Variants in ETV6 observed in about 807,000 individuals in gnomAD.
ETV6 encodes the protein ETS variant transcription factor 6.
ETV6 carries 16 observed loss-of-function variants against 51.1 expected under a neutral mutation model. The ratio of observed to expected loss-of-function variants is 0.31; its 90% CI spans 0.21 to 0.48. The LOEUF is 0.48. Among genes scored for constraint, ETV6 ranks in the 20% least tolerant of loss-of-function variants. The pLI is 0.99. For missense variants in ETV6, 458 were observed against 594.8 expected (o/e 0.77, Z 2.39); for synonymous variants, 240 against 224.1 (o/e 1.07, Z -0.64).
At chr12:11,850,401 CCTT>C (rs1946533806) in intron 3 of ETV6, among the ~76,000 whole-genome samples, 1 of 152,198 alleles carries the variant, frequency 6.6e-6, no homozygotes, top group South Asian at 2.1e-4. Flanking sequence ...CCTCAGTTAA[CCTT>C]CTTTACCCTT....
In ETV6 at chr12:11,872,251, G is replaced by C. The variant is rs145071760; in HGVS notation, c.1009+2282G>C. The stretch of plus-strand genomic sequence containing the variant: ...AAGGTCAGATAGGGGCCCCATGACC[G>C]AGGTGTGCAGGACAACCCTTGCTGC... On this transcript the variant is annotated intron_variant, in intron 5 of 7. Coordinates refer to ENST00000396373, the MANE Select transcript of ETV6 (RefSeq NM_001987.5). Among the ~76,000 whole-genome samples the C allele has an allele frequency of 2.2e-4, 33 of 152,272 alleles. No individual in the cohort carries two copies. In the East Asian group the frequency reaches 6.0e-3, roughly 28 times the overall value.
chr12:11,742,805 C>CTTTTTTTTT (rs751007395), intron 1 of ETV6, among the ~76,000 whole-genome samples: 3 of 78,682 alleles, frequency 3.8e-5, no homozygotes, highest in Non-Finnish European at 7.4e-5. Flanking sequence ...TTCTTTCTTT[C>CTTTTTTTTT]TTTTTTTTTT....
intron 3 of ETV6, among the ~76,000 whole-genome samples, chr12:11,842,173 C>G (rs1591712832): frequency 6.6e-6 from 1 of 152,266 alleles, no homozygotes; most frequent in African/African-American, 2.4e-5. Flanking sequence ...TAGACACTCC[C>G]TTTGAAACAT....
chr12:11,879,318 A>ACAAT (rs1211576010), intron 5 of ETV6, among the ~76,000 whole-genome samples: 1 of 152,230 alleles, frequency 6.6e-6, no homozygotes, highest in Non-Finnish European at 1.5e-5. Context: ...TAAATTAACC[A>ACAAT]CAATCATTAA....
At position 11,678,469 on chromosome 12, in the gene ETV6, TTTTTTCC is replaced by T. The variant is rs1864462951; in HGVS notation, c.33+28311_33+28317del. Reference sequence around the variant, plus strand: ...TACTCTACAACTCACATGGCAGCACTTTTTTCCTCCTGATTTCCTTTCCCTTTGCAGG... The same window carrying T: ...TACTCTACAACTCACATGGCAGCACTTCCTGATTTCCTTTCCCTTTGCAGG... On this transcript the variant is annotated intron_variant, in intron 1 of 7. Coordinates refer to ENST00000396373, the MANE Select transcript of ETV6 (RefSeq NM_001987.5). Among the ~76,000 whole-genome samples the T allele has an allele frequency of 3.3e-5, 5 of 152,212 alleles. No homozygotes were observed. In the South Asian group the frequency reaches 1.0e-3, roughly 32 times the overall value.
intron 2 of ETV6, among the ~76,000 whole-genome samples, chr12:11,780,319 T>C (rs148062809): frequency 2.6e-5 from 4 of 152,218 alleles, no homozygotes; most frequent in Non-Finnish European, 5.9e-5. Flanking sequence ...GGTTTTAGGT[T>C]CAGTAGCCTG....
intron 5 of ETV6, among the ~76,000 whole-genome samples, chr12:11,874,920 T>A (rs1413525150): frequency 7.2e-6 from 1 of 138,010 alleles, no homozygotes; most frequent in Non-Finnish European, 1.6e-5. Context: ...GGGGGAGGGA[T>A]AGCATTAGGA....
At chr12:11,761,474 C>T (rs1314573657) in intron 2 of ETV6, among the ~76,000 whole-genome samples, 2 of 152,196 alleles carry the variant, frequency 1.3e-5, no homozygotes, top group African/African-American at 4.8e-5. Context: ...AGATGATCTA[C>T]CTCACAGATG....
In ETV6 at chr12:11,744,270, T is replaced by C. The variant is rs142501478; in HGVS notation, c.34-8180T>C. 9.3e-4 allele frequency among the ~76,000 whole-genome samples: 141 copies of C among 152,340 alleles called. 4 individuals are homozygous for C. The East Asian group carries it at 0.019, about 21-fold the overall frequency. ...AGGGACAACGCAGATTGGCTAATTA[T>C]AATAGCCAGACCATTAAAGGGAATA... On this transcript the variant is annotated intron_variant, in intron 1 of 7. Transcript: ENST00000396373.
chr12:11,696,389 C>T (rs1307744471), intron 1 of ETV6, among the ~76,000 whole-genome samples: 1 of 152,178 alleles, frequency 6.6e-6, no homozygotes, highest in Admixed American at 6.5e-5. Context: ...GTTACTTAAC[C>T]ATTCTGTACT....
intron 1 of ETV6, among the ~76,000 whole-genome samples, chr12:11,689,188 T>C (rs1864697154): frequency 6.6e-6 from 1 of 152,010 alleles, no homozygotes; most frequent in African/African-American, 2.4e-5. Context: ...TTTTAAAGTA[T>C]GGAAGTAGAT....
At chr12:11,811,464 T>C (rs555983224) in intron 2 of ETV6, among the ~76,000 whole-genome samples, 1 of 152,272 alleles carries the variant, frequency 6.6e-6, no homozygotes, top group African/African-American at 2.4e-5. Flanking sequence ...CCTGGATTTC[T>C]ACCATTAGCA....
intron 1 of ETV6, among the ~76,000 whole-genome samples, chr12:11,679,025 T>G (rs985736975): frequency 3.3e-5 from 5 of 152,156 alleles, no homozygotes; most frequent in African/African-American, 1.2e-4. Flanking sequence ...CACCCAGAAA[T>G]AATGTGTAAT....
chr12:11,893,912 A>T lies in ETV6; in HGVS notation c.*2866A>T. The T allele has an allele frequency of 5.0e-6, 1 of 201,598 alleles. No individual in the cohort carries two copies. The highest frequency in any genetic ancestry group is 7.6e-5 in the East Asian group (1 of 13,104). 12.5% of individuals were successfully genotyped at this position (201,598 alleles called of 1,614,324 possible). A position where few individuals can be genotyped will look rare whatever the true frequency, so the allele number is the denominator to read the frequency against. ...CATTTAAAAATCCGAGACCCAGAAC[A>T]CTTCTGGTCCCAAGCATTTCAGATA... On this transcript the variant is annotated 3_prime_UTR_variant, in exon 8 of 8. Coordinates refer to ENST00000396373, the MANE Select transcript of ETV6 (RefSeq NM_001987.5).
At chr12:11,801,575 T>A (rs1457298599) in intron 2 of ETV6, among the ~76,000 whole-genome samples, 1 of 152,234 alleles carries the variant, frequency 6.6e-6, no homozygotes. Context: ...TTTGCTATAG[T>A]GAAAATACTG....
intron 1 of ETV6, among the ~76,000 whole-genome samples, chr12:11,735,748 G>A (rs976309829): frequency 8.5e-5 from 13 of 152,242 alleles, no homozygotes; most frequent in Middle Eastern, 6.8e-3. Context: ...ACAGGCGCCC[G>A]CCAGTACGCC....
intron 1 of ETV6, among the ~76,000 whole-genome samples, chr12:11,669,355 T>TATCCTCCC: frequency 2.1e-5 from 1 of 46,620 alleles, no homozygotes; most frequent in Admixed American, 2.4e-4. Flanking sequence ...CCCGTCCTCC[T>TATCCTCCC]GTCCTCCCTT....
At chr12:11,836,099 C>T (rs564259372) in intron 2 of ETV6, among the ~76,000 whole-genome samples, 1 of 152,306 alleles carries the variant, frequency 6.6e-6, no homozygotes, top group African/African-American at 2.4e-5. Flanking sequence ...TTAGAATTGC[C>T]TCCAGGTGCA....
At chr12:11,676,849 AT>A (rs1261477728) in intron 1 of ETV6, among the ~76,000 whole-genome samples, 6 of 151,926 alleles carry the variant, frequency 3.9e-5, no homozygotes, top group Non-Finnish European at 5.9e-5. Context: ...TTGGTCTTTG[AT>A]TTTTTTCTGT....
Sources: gnomAD v4.1 joint callset for allele counts (sites outside exome capture counted in the v4.1 genomes callset) on GRCh38, gnomAD v4.1.1 for gene constraint, MANE v1.5 for transcripts, NCBI Gene and HGNC (gene_info 2026-07-23, HGNC 2026-07-21) for gene names.